TDRD5: variants seen among roughly 807,000 people sequenced by gnomAD.
The protein encoded by TDRD5 is tudor domain containing 5, also known as tudor domain-containing protein 5.
A neutral mutation model predicts 120.6 loss-of-function variants in TDRD5; 41 were observed. The ratio of observed to expected loss-of-function variants is 0.34; its 90% confidence interval spans 0.26 to 0.44. TDRD5 has a LOEUF of 0.44. TDRD5 is among the 20% of genes least tolerant of loss of function. TDRD5 has a pLI of 1.00. For missense variants in TDRD5, 1,006 were observed against 1,221.2 expected (o/e 0.82, Z 2.63); for synonymous variants, 430 against 433.7 (o/e 0.99, Z 0.11).
intron 14 of TDRD5, among the ~76,000 whole-genome samples, chr1:179,661,781 A>G (rs1388554336): frequency 2.0e-5 from 3 of 152,168 alleles, no homozygotes; most frequent in African/African-American, 4.8e-5. Flanking sequence ...TATATATTGT[A>G]TAGATTTGGG....
At chr1:179,623,900 A>G (rs1676979235) in intron 6 of TDRD5, among the ~76,000 whole-genome samples, 1 of 151,900 alleles carries the variant, frequency 6.6e-6, no homozygotes, top group Non-Finnish European at 1.5e-5. Flanking sequence ...CAGCCTCCCA[A>G]AGTGCTGAGA....
intron 5 of TDRD5, among the ~76,000 whole-genome samples, chr1:179,620,315 T>C (rs1404204725): frequency 1.3e-5 from 2 of 152,162 alleles, no homozygotes; most frequent in South Asian, 2.1e-4. Context: ...TTTTGTACTT[T>C]ATTGGGATAG....
chr1:179,661,378 T>TG (rs1033594091), intron 14 of TDRD5, among the ~76,000 whole-genome samples: 22 of 131,618 alleles, frequency 1.7e-4, no homozygotes, highest in African/African-American at 5.3e-4. Context: ...TTTGTTTGGT[T>TG]GTTTTTTTTG....
At chr1:179,660,028 T>A (rs1300976696) in intron 14 of TDRD5, among the ~76,000 whole-genome samples, 1 of 152,046 alleles carries the variant, frequency 6.6e-6, no homozygotes, top group Non-Finnish European at 1.5e-5. Flanking sequence ...ACTCTGACAA[T>A]CTGAATTTTA....
chr1:179,593,572 G>A lies in TDRD5; in HGVS notation c.345G>A (p.Pro115=), dbSNP rs12070589. The change falls in exon 3 of 18, where the codon CCG becomes CCA. Residue 115 remains proline (P), a synonymous_variant. Coordinates refer to ENST00000444136, the MANE Select transcript of TDRD5 (RefSeq NM_001199085.3). Reference sequence around the variant, plus strand: ...GAAGACCTAGTATTTATTCTGGACCGAGATCTCATCGGCGAGTACCTTACC... The same window carrying A: ...GAAGACCTAGTATTTATTCTGGACCAAGATCTCATCGGCGAGTACCTTACC... ...HKGRPSIYSG[P]RSHRRVPYRG... 112,087 of 1,614,152 alleles carry A rather than the reference G, an allele frequency of 0.069. 4,437 individuals are homozygous for A. Among genetic ancestry groups the A allele is most frequent in the African/African-American group, 0.12 (9,353 of 75,020 alleles).
intron 8 of TDRD5, among the ~76,000 whole-genome samples, chr1:179,635,361 A>G (rs1450666385): frequency 6.6e-6 from 1 of 152,180 alleles, no homozygotes; most frequent in Non-Finnish European, 1.5e-5. Flanking sequence ...GAAGTATCAT[A>G]TTTTCAATTT....
At chr1:179,638,254 A>G (rs1273867418) in intron 9 of TDRD5, among the ~76,000 whole-genome samples, 1 of 129,644 alleles carries the variant, frequency 7.7e-6, no homozygotes, top group Non-Finnish European at 1.7e-5. Context: ...GATGAGAGTG[A>G]GACTAGAAAG....
intron 11 of TDRD5, among the ~76,000 whole-genome samples, chr1:179,644,666 T>C (rs769983480): frequency 4.3e-4 from 65 of 152,262 alleles, no homozygotes; most frequent in Middle Eastern, 3.4e-3. Context: ...ATTTTTTTTG[T>C]CCTTTTGATG....
At chr1:179,615,285 T>C (rs115387954) in intron 4 of TDRD5, among the ~76,000 whole-genome samples, 1 of 151,898 alleles carries the variant, frequency 6.6e-6, no homozygotes, top group Non-Finnish European at 1.5e-5. Context: ...TCAATACCTA[T>C]TTGTTGAATG....
chr1:179,593,253 A>G (rs909888499), intron 2 of TDRD5, among the ~76,000 whole-genome samples: 2 of 152,246 alleles, frequency 1.3e-5, no homozygotes, highest in Non-Finnish European at 2.9e-5. Flanking sequence ...ATGATAATAC[A>G]TTGAGTTAAC....
chr1:179,606,586 T>C (rs1475318184), intron 4 of TDRD5, among the ~76,000 whole-genome samples: 1 of 152,182 alleles, frequency 6.6e-6, no homozygotes, highest in Non-Finnish European at 1.5e-5. Context: ...TTTAGGTCTA[T>C]GATCCATTTT....
intron 7 of TDRD5, among the ~76,000 whole-genome samples, chr1:179,632,096 T>C (rs12401480): frequency 0.44 from 66,299 of 151,310 alleles, 14,591 homozygotes; most frequent in Admixed American, 0.47. Flanking sequence ...TTAGTAGAGA[T>C]GGGGTTTCAC....
At chr1:179,664,808 A>G (rs1031585373) in intron 16 of TDRD5, among the ~76,000 whole-genome samples, 4 of 152,118 alleles carry the variant, frequency 2.6e-5, no homozygotes, top group East Asian at 1.9e-4. Context: ...TCTTAGATAT[A>G]TAACTAGGAG....
rs150852125 is a variant in TDRD5, at chr1:179,634,497, C to T, written c.1167C>T (p.Ser389=). The change falls in exon 8 of 18, where the codon TCC becomes TCT. Residue 389 remains serine, a synonymous_variant. Coordinates refer to ENST00000444136, the MANE Select transcript of TDRD5 (RefSeq NM_001199085.3). ...DKKIEAKACV[S]SPPRNSLSTA... Reference sequence around the variant, plus strand: ...AAATAGAAGCCAAAGCTTGTGTCTCCAGTCCACCTAGAAATTCATTGTCTA... The same window carrying T: ...AAATAGAAGCCAAAGCTTGTGTCTCTAGTCCACCTAGAAATTCATTGTCTA... 6 of 1,609,650 alleles carry T rather than the reference C, an allele frequency of 3.7e-6. No individual in the cohort carries two copies. The highest frequency in any genetic ancestry group is 1.7e-6 in the Non-Finnish European group (2 of 1,179,068).
chr1:179,674,771 A>G (rs1680034541), intron 17 of TDRD5, among the ~76,000 whole-genome samples: 1 of 152,174 alleles, frequency 6.6e-6, no homozygotes, highest in African/African-American at 2.4e-5. Context: ...AATCTAGGAC[A>G]GTTGTATATT....
chr1:179,682,067 T>C (rs533724463), intron 17 of TDRD5, among the ~76,000 whole-genome samples: 1 of 147,394 alleles, frequency 6.8e-6, no homozygotes, highest in East Asian at 2.0e-4. Flanking sequence ...ACAACTGTTT[T>C]AATATCCATG....
At chr1:179,681,719 C>T (rs1234807530) in intron 17 of TDRD5, among the ~76,000 whole-genome samples, 1 of 151,346 alleles carries the variant, frequency 6.6e-6, no homozygotes, top group Non-Finnish European at 1.5e-5. Context: ...ATTTGGTCCA[C>T]AGGACCAAAA....
At chr1:179,647,444 ATCAAT>A (rs1678444055) in intron 11 of TDRD5, among the ~76,000 whole-genome samples, 5 of 152,262 alleles carry the variant, frequency 3.3e-5, no homozygotes, top group Admixed American at 3.3e-4. Context: ...TTAAACAAAA[ATCAAT>A]TCAAGGTGGA....
At chr1:179,613,363 C>G (rs1676387443) in intron 4 of TDRD5, among the ~76,000 whole-genome samples, 1 of 152,058 alleles carries the variant, frequency 6.6e-6, no homozygotes, top group African/African-American at 2.4e-5. Context: ...GCTGTTTTCC[C>G]ACAAGTTCAG....
Sources: allele counts gnomAD v4.1 joint callset (sites outside exome capture counted in the v4.1 genomes callset), GRCh38; gene constraint gnomAD v4.1.1; transcripts MANE v1.5; gene names NCBI Gene and HGNC (gene_info 2026-07-23, HGNC 2026-07-21).